SHTN1: variants seen among roughly 807,000 people sequenced by gnomAD.
The protein encoded by SHTN1 is shootin 1.
In SHTN1, 42 loss-of-function variants were observed where a neutral mutation model predicts 83.1. That is an observed-to-expected ratio of 0.51 (90% CI 0.39 to 0.65). The LOEUF (loss-of-function observed/expected upper bound fraction) is 0.65. Ranked by LOEUF, SHTN1 falls within the 30% of genes least tolerant of loss-of-function variation. The pLI is 0.00. For missense variants in SHTN1, 622 were observed against 737.8 expected, an observed-to-expected ratio of 0.84 and a Z score of 1.82; for synonymous variants, 224 against 247.7, an observed-to-expected ratio of 0.90 and a Z score of 0.90.
At chr10:116,979,678 T>C (rs1035572795) in intron 1 of SHTN1, among the ~76,000 whole-genome samples, 13 of 152,340 alleles carry the variant, frequency 8.5e-5, no homozygotes, top group African/African-American at 3.1e-4. Context: ...ACACCCATGA[T>C]CCAGGAGAGG....
At chr10:117,041,072 A>G (rs912133955) in intron 2 of SHTN1, among the ~76,000 whole-genome samples, 65 of 152,072 alleles carry the variant, frequency 4.3e-4, no homozygotes, top group Middle Eastern at 3.2e-3. Context: ...AACATTAGGT[A>G]TATCTCCAAA....
At chr10:117,000,224 T>C (rs1851777480) in intron 1 of SHTN1, among the ~76,000 whole-genome samples, 1 of 152,210 alleles carries the variant, frequency 6.6e-6, no homozygotes, top group Non-Finnish European at 1.5e-5. Context: ...CCCAAGATTG[T>C]CAATGCTTCC....
rs566078801 is a variant in SHTN1 at position 116,885,619 on chromosome 10, T to C, written c.*725A>G. ...TAATTAACTCATAGCACAGAGCACA[T>C]GGTTTACCAACTTACTACTGTAAAA... On this transcript the variant is annotated 3_prime_UTR_variant, in exon 17 of 17. Coordinates refer to ENST00000355371, the MANE Select transcript of SHTN1 (RefSeq NM_001127211.3). The C allele has an allele frequency of 6.5e-6, 1 of 152,672 alleles. No homozygotes were observed. The highest frequency in any genetic ancestry group is 1.9e-4 in the East Asian group (1 of 5,188). 9.5% of individuals were successfully genotyped at this position (152,672 alleles called of 1,614,324 possible).
At chr10:117,029,438 T>G (rs1456294785) in intron 2 of SHTN1, among the ~76,000 whole-genome samples, 2 of 152,148 alleles carry the variant, frequency 1.3e-5, no homozygotes, top group African/African-American at 4.8e-5. Context: ...TATTTTGCAA[T>G]GTGAGAAGTA....
intron 1 of SHTN1, among the ~76,000 whole-genome samples, chr10:117,093,761 G>C (rs566460120): frequency 2.0e-4 from 31 of 152,288 alleles, no homozygotes; most frequent in African/African-American, 7.5e-4. Flanking sequence ...TCACTGTGTG[G>C]ACTGCACTTT....
intron 16 of SHTN1, among the ~76,000 whole-genome samples, chr10:116,898,830 A>G (rs1341047113): frequency 6.6e-6 from 1 of 152,192 alleles, no homozygotes; most frequent in Non-Finnish European, 1.5e-5. Context: ...CCTTATAATT[A>G]AGCATTAAAA....
chr10:117,068,464 G>T (rs11197881), intron 1 of SHTN1, among the ~76,000 whole-genome samples: 1 of 152,074 alleles, frequency 6.6e-6, no homozygotes, highest in Non-Finnish European at 1.5e-5. Context: ...TGAAGAACAA[G>T]TGGGAAGTGA....
chr10:116,901,470 G>A (rs943535634), intron 16 of SHTN1: 168 of 984,790 alleles, frequency 1.7e-4, no homozygotes, highest in Admixed American at 6.8e-4. Context: ...AAGACTGATT[G>A]TCTCCTGACG....
intron 8 of SHTN1, among the ~76,000 whole-genome samples, chr10:116,944,518 C>G (rs1395162061): frequency 6.6e-6 from 1 of 152,168 alleles, no homozygotes; most frequent in Non-Finnish European, 1.5e-5. Flanking sequence ...ACCAGCAGAT[C>G]CTTAATTCAA....
intron 1 of SHTN1, among the ~76,000 whole-genome samples, chr10:117,101,623 A>G (rs181350680): frequency 1.3e-5 from 2 of 152,220 alleles, no homozygotes; most frequent in Non-Finnish European, 2.9e-5. Context: ...GTCAGTGGGT[A>G]AAAGTGTGGA....
chr10:117,072,815 C>G (rs1853103060), intron 1 of SHTN1, among the ~76,000 whole-genome samples: 2 of 152,106 alleles, frequency 1.3e-5, no homozygotes, highest in Admixed American at 6.6e-5. Context: ...TTTAACACCC[C>G]CAAAAATCAC....
At chr10:117,108,723 G>GA (rs922419767) in intron 1 of SHTN1, among the ~76,000 whole-genome samples, 35 of 149,746 alleles carry the variant, frequency 2.3e-4, no homozygotes, top group African/African-American at 5.4e-4. Flanking sequence ...TTAAAAACAA[G>GA]AAAAAAAAAG....
At chr10:116,914,182 AC>A (rs1281469303) in intron 13 of SHTN1, among the ~76,000 whole-genome samples, 1 of 152,032 alleles carries the variant, frequency 6.6e-6, no homozygotes, top group African/African-American at 2.4e-5. Context: ...AACTTAGAAA[AC>A]CCATCAGAGG....
chr10:117,064,338 T>G (rs1374995408), intron 1 of SHTN1, among the ~76,000 whole-genome samples: 2 of 152,170 alleles, frequency 1.3e-5, no homozygotes, highest in African/African-American at 4.8e-5. Context: ...TCAGACACAT[T>G]GGCTGTATCT....
chr10:117,087,804 C>T (rs1393263529), intron 1 of SHTN1, among the ~76,000 whole-genome samples: 1 of 152,072 alleles, frequency 6.6e-6, no homozygotes, highest in Non-Finnish European at 1.5e-5. Flanking sequence ...TATTTAAATG[C>T]AACAGATTAG....
At chr10:117,063,142 T>C (rs774447596) in intron 1 of SHTN1, among the ~76,000 whole-genome samples, 6 of 152,220 alleles carry the variant, frequency 3.9e-5, no homozygotes, top group African/African-American at 1.2e-4. Flanking sequence ...ATCCTATTAT[T>C]GTCTCCCATT....
At chr10:116,998,479 T>C (rs1851710718) in intron 1 of SHTN1, among the ~76,000 whole-genome samples, 1 of 152,214 alleles carries the variant, frequency 6.6e-6, no homozygotes, top group Non-Finnish European at 1.5e-5. Context: ...TTGTTATAAT[T>C]GTTCTATTTT....
intron 2 of SHTN1, among the ~76,000 whole-genome samples, chr10:117,029,558 A>C (rs1024715404): frequency 2.6e-5 from 4 of 152,040 alleles, no homozygotes; most frequent in African/African-American, 9.7e-5. Context: ...GCCTGGTGGG[A>C]GGTGATTGAA....
chr10:117,082,585 T>A (rs1853287645), intron 1 of SHTN1, among the ~76,000 whole-genome samples: 1 of 152,022 alleles, frequency 6.6e-6, no homozygotes, highest in South Asian at 2.1e-4. Context: ...AATTCCTGGG[T>A]ATCCTTGTTG....
Sources: allele counts gnomAD v4.1 joint callset (sites outside exome capture counted in the v4.1 genomes callset), GRCh38; gene constraint gnomAD v4.1.1; transcripts MANE v1.5; gene names NCBI Gene and HGNC (gene_info 2026-07-23, HGNC 2026-07-21).